The following PLXNC1 variants were observed in gnomAD, a reference collection of about 807,000 sequenced individuals.
PLXNC1 encodes plexin C1, also known as plexin-C1.
Under a neutral mutation model 178.2 loss-of-function variants are expected in PLXNC1, and 75 were observed. The observed-to-expected ratio is 0.42, with a 90% CI of 0.35 to 0.51. The LOEUF (loss-of-function observed/expected upper bound fraction) is 0.51, where lower values mean the gene tolerates loss of function less well. Among genes scored for constraint, PLXNC1 ranks in the 20% least tolerant of loss-of-function variants. PLXNC1 has a pLI of 0.02. For missense variants in PLXNC1, 1,503 were observed against 1,984.4 expected (o/e 0.76, Z 4.61); for synonymous variants, 790 against 779.9 (o/e 1.01, Z -0.22).
At chr12:94,207,772 C>G (rs1963343615) in intron 4 of PLXNC1, among the ~76,000 whole-genome samples, 1 of 152,210 alleles carries the variant, frequency 6.6e-6, no homozygotes, top group Admixed American at 6.5e-5. Context: ...CTCAGTGGCA[C>G]TACTGTTTTC....
intron 15 of PLXNC1, among the ~76,000 whole-genome samples, chr12:94,251,914 A>G (rs575211244): frequency 1.3e-5 from 2 of 152,108 alleles, no homozygotes; most frequent in Admixed American, 6.5e-5. Flanking sequence ...AATTGCTTGA[A>G]CCCGGGAGGC....
chr12:94,195,429 C>G (rs1229155065), intron 4 of PLXNC1, among the ~76,000 whole-genome samples: 1 of 152,098 alleles, frequency 6.6e-6, no homozygotes, highest in Non-Finnish European at 1.5e-5. Flanking sequence ...CCCACTTGCT[C>G]TGGTTTTAGT....
At chr12:94,293,163 C>T (rs1043984062) in intron 23 of PLXNC1, among the ~76,000 whole-genome samples, 2 of 152,156 alleles carry the variant, frequency 1.3e-5, no homozygotes, top group African/African-American at 4.8e-5. Flanking sequence ...TGGCGTGTAA[C>T]AGTAGTTTGC....
intron 1 of PLXNC1, among the ~76,000 whole-genome samples, chr12:94,165,268 G>T (rs1483644170): frequency 6.6e-6 from 1 of 152,172 alleles, no homozygotes; most frequent in East Asian, 1.9e-4. Flanking sequence ...TTGTGAGGAC[G>T]TTTCTCCGGA....
chr12:94,227,318 TA>T, intron 9 of PLXNC1, 83 bp downstream of exon 9: 2 of 773,758 alleles, frequency 2.6e-6, no homozygotes, highest in Admixed American at 2.6e-5. Flanking sequence ...TTGGGTTCCT[TA>T]AAAAAATTCT....
chr12:94,220,274 C>T, intron 6 of PLXNC1, 111 bp downstream of exon 6: 11 of 1,001,754 alleles, frequency 1.1e-5, no homozygotes, highest in Non-Finnish European at 1.6e-5. Context: ...TAGACTCACT[C>T]CCTCACTACC....
intron 21 of PLXNC1, among the ~76,000 whole-genome samples, chr12:94,278,870 T>C (rs958052999): frequency 4.6e-5 from 7 of 152,086 alleles, no homozygotes; most frequent in African/African-American, 1.7e-4. Context: ...TGGTGGCATG[T>C]GCCTGTAATC....
intron 23 of PLXNC1, among the ~76,000 whole-genome samples, chr12:94,284,087 GA>G (rs796439911): frequency 0.045 from 3,689 of 82,694 alleles, 62 homozygotes; most frequent in African/African-American, 0.099. Context: ...CATGTCAGGG[GA>G]AAAAAAAAAA....
chr12:94,295,110 C>G (rs1326946261), intron 24 of PLXNC1, among the ~76,000 whole-genome samples: 1 of 152,230 alleles, frequency 6.6e-6, no homozygotes, highest in Non-Finnish European at 1.5e-5. Flanking sequence ...AGGTTTGTCT[C>G]CAGAGAAATT....
chr12:94,184,110 CCTCT>C (rs201618796), intron 3 of PLXNC1, among the ~76,000 whole-genome samples: 9 of 145,830 alleles, frequency 6.2e-5, no homozygotes, highest in African/African-American at 2.3e-4. Flanking sequence ...TTTTTAGTGT[CCTCT>C]CTCTCTCTCT....
Position 94,212,751 on chromosome 12 carries a change from G to A in PLXNC1, c.1554+3047G>A, listed in dbSNP as rs1460134576. ...TTTTTTTTTTTTGAGATGGAGTCTC[G>A]CTCTGTCGCCCAGGCTGGAGTGCAG... On this transcript the variant is annotated intron_variant, in intron 5 of 30. Transcript: ENST00000258526. 2.2e-4 allele frequency among the ~76,000 whole-genome samples: 30 copies of A among 137,544 alleles called. No individual in the cohort carries two copies. In the Middle Eastern group the frequency reaches 0.013, roughly 60 times the overall value. 90.2% of individuals were successfully genotyped at this position (137,544 alleles called of 152,430 possible). A position where few individuals can be genotyped will look rare whatever the true frequency, so the allele number is the denominator to read the frequency against.
intron 8 of PLXNC1, 132 bp downstream of exon 8, chr12:94,226,839 C>A: frequency 1.5e-6 from 1 of 677,090 alleles, no homozygotes; most frequent in Non-Finnish European, 2.6e-6. Context: ...GCCTGACCAA[C>A]ATGGCAAAAC....
chr12:94,187,165 C>G (rs1177945592), intron 4 of PLXNC1, among the ~76,000 whole-genome samples: 2 of 138,618 alleles, frequency 1.4e-5, no homozygotes, highest in Non-Finnish European at 3.0e-5. Context: ...CGCTGCAGCT[C>G]AGGCAGGAAA....
In PLXNC1 at chr12:94,260,026, C is replaced by T. The variant is rs959274045; in HGVS notation, c.3251+292C>T. 3.3e-5 allele frequency among the ~76,000 whole-genome samples: 5 copies of T among 152,122 alleles called. No homozygotes were observed. The highest frequency in any genetic ancestry group is 4.8e-5 in the African/African-American group (2 of 41,402). On this transcript the variant is annotated intron_variant, in intron 19 of 30. Transcript: ENST00000258526. The surrounding 1 kb of genome is among the most constrained non-coding windows in gnomAD (Gnocchi z 4.4). ...GCTATTTGATTGGGAGTTTATGCAG[C>T]CTTCTCTCCATTTTAGATCATACCA...
chr12:94,292,004 G>T (rs1039217389), intron 23 of PLXNC1, among the ~76,000 whole-genome samples: 1 of 152,140 alleles, frequency 6.6e-6, no homozygotes, highest in African/African-American at 2.4e-5. Flanking sequence ...TTTGTGACTG[G>T]CTTCTTCGCG....
Position 94,224,253 on chromosome 12 carries a change from C to T in PLXNC1, c.1728C>T (p.Phe576=), listed in dbSNP as rs774318220. The T allele has an allele frequency of 1.2e-6, 2 of 1,604,280 alleles. No homozygotes were observed. Among genetic ancestry groups the T allele is most frequent in the Non-Finnish European group, 8.5e-7 (1 of 1,171,034 alleles). ...YKDVSVVNVM[F]SFGSWNLSDR... ...ATGTTTCAGTTGTCAACGTGATGTT[C>T]TCCTTCGGTTCTTGGAATTTATCAG... Residue 576 remains phenylalanine (F), a synonymous_variant, in exon 7 of 31, where the codon TTC becomes TTT. Transcript: ENST00000258526.
At chr12:94,212,728 T>C (rs1163241295) in intron 5 of PLXNC1, among the ~76,000 whole-genome samples, 1 of 150,106 alleles carries the variant, frequency 6.7e-6, no homozygotes, top group Non-Finnish European at 1.5e-5. Context: ...TTTTCTTTTT[T>C]TTTTTTTTTG....
intron 23 of PLXNC1, among the ~76,000 whole-genome samples, chr12:94,287,191 T>C (rs1303340204): frequency 6.6e-6 from 1 of 152,256 alleles, no homozygotes; most frequent in Non-Finnish European, 1.5e-5. Flanking sequence ...TTCTGTCCTG[T>C]GCAGACAAAG....
chr12:94,294,433 T>C, intron 23 of PLXNC1, 53 bp from the exon 24 acceptor site: 1 of 764,390 alleles, frequency 1.3e-6, no homozygotes, highest in Non-Finnish European at 2.3e-6. Context: ...TGGGTGAAGT[T>C]GAGAAATCCA....
Sources: allele counts gnomAD v4.1 joint callset (sites outside exome capture counted in the v4.1 genomes callset), GRCh38; gene constraint gnomAD v4.1.1; non-coding constraint Gnocchi (gnomAD v3.1); transcripts MANE v1.5; gene names NCBI Gene and HGNC (gene_info 2026-07-23, HGNC 2026-07-21).